FBXL13: variants seen among roughly 807,000 people sequenced by gnomAD.
FBXL13 encodes the protein F-box and leucine-rich repeat protein 13.
A neutral mutation model predicts 83.6 loss-of-function variants in FBXL13; 67 were observed. That is an observed-to-expected ratio of 0.80 (90% CI 0.66 to 0.98). The LOEUF is 0.98. Ranked by LOEUF, FBXL13 falls within the 50% of genes least tolerant of loss-of-function variation. The probability of loss-of-function intolerance (pLI) is 0.00; values close to 1 mark genes in which losing one functional copy is unlikely to be tolerated. For missense variants in FBXL13, 822 were observed against 866.5 expected (o/e 0.95, Z 0.64); for synonymous variants, 272 against 299.5 (o/e 0.91, Z 0.95).
chr7:102,849,703 T>G (rs992582388), intron 17 of FBXL13, among the ~76,000 whole-genome samples: 1 of 152,216 alleles, frequency 6.6e-6, no homozygotes, highest in Non-Finnish European at 1.5e-5. Context: ...CGGCTTTGTC[T>G]GTTCCCTTTT....
At chr7:102,911,768 A>C (rs995453300) in intron 11 of FBXL13, among the ~76,000 whole-genome samples, 15 of 152,252 alleles carry the variant, frequency 9.9e-5, no homozygotes, top group African/African-American at 3.1e-4. Context: ...AAGCTGGTCT[A>C]AAATTCAGTC....
chr7:102,943,414 G>C (rs1821850557), intron 8 of FBXL13, among the ~76,000 whole-genome samples: 1 of 150,772 alleles, frequency 6.6e-6, no homozygotes, highest in Admixed American at 6.6e-5. Flanking sequence ...AACTAATCAA[G>C]GGAAAAGCTT....
intron 9 of FBXL13, among the ~76,000 whole-genome samples, chr7:102,928,981 C>G (rs1818638440): frequency 6.6e-6 from 1 of 152,096 alleles, no homozygotes; most frequent in Non-Finnish European, 1.5e-5. Flanking sequence ...TACTTTTGAA[C>G]ATAAAGGAAC....
chr7:103,038,787 G>A (rs558784719), intron 2 of FBXL13, among the ~76,000 whole-genome samples: 3 of 152,282 alleles, frequency 2.0e-5, no homozygotes, highest in Admixed American at 2.0e-4. Flanking sequence ...CAACAAAAAT[G>A]ACATCCACAC....
At chr7:102,910,031 C>A (rs529829899) in intron 11 of FBXL13, among the ~76,000 whole-genome samples, 1 of 152,172 alleles carries the variant, frequency 6.6e-6, no homozygotes, top group African/African-American at 2.4e-5. Context: ...CGCACTGTAG[C>A]CCTCAGTGGT....
intron 6 of FBXL13, among the ~76,000 whole-genome samples, chr7:102,990,129 C>T (rs955992): frequency 0.17 from 25,446 of 152,022 alleles, 2,795 homozygotes; most frequent in East Asian, 0.59. Flanking sequence ...AAAGCAATGC[C>T]GACACCAGAG....
intron 8 of FBXL13, chr7:102,934,305 T>C: frequency 6.2e-7 from 1 of 1,614,074 alleles, no homozygotes; most frequent in Non-Finnish European, 8.5e-7. Flanking sequence ...TTAAACAAAC[T>C]CACCACCCTC....
chr7:103,027,475 T>A lies in FBXL13; in HGVS notation c.301A>T (p.Lys101Ter), dbSNP rs539052380. Reference sequence around the variant, plus strand: ...AGCTCATCTTCTTTCTTTTTACTCTTATGTCTTGCTGTATTCCGCCATTTT... The same window carrying A: ...AGCTCATCTTCTTTCTTTTTACTCTAATGTCTTGCTGTATTCCGCCATTTT... The change falls in exon 5 of 20, where the codon AAG becomes TAG. Residue 101 changes from lysine to a stop codon, truncating the protein, a stop_gained. Transcript: ENST00000313221. LOFTEE classifies it high-confidence loss of function. 1.3e-5 allele frequency: 21 copies of A among 1,612,728 alleles called. No individual in the cohort carries two copies. In the East Asian group the frequency reaches 4.5e-4, roughly 34 times the overall value.
intron 9 of FBXL13, among the ~76,000 whole-genome samples, chr7:102,927,502 A>G (rs2129472253): frequency 6.6e-6 from 1 of 152,356 alleles, no homozygotes; most frequent in East Asian, 1.9e-4. Flanking sequence ...TATTTCCAGT[A>G]GTCATGGATT....
chr7:103,052,387 C>A (rs1477488409), intron 2 of FBXL13, among the ~76,000 whole-genome samples: 1 of 151,936 alleles, frequency 6.6e-6, no homozygotes, highest in Non-Finnish European at 1.5e-5. Context: ...CTGTGCCTGG[C>A]TTTAGTGTAT....
intron 11 of FBXL13, among the ~76,000 whole-genome samples, chr7:102,906,973 T>TG (rs1349188570): frequency 3.9e-5 from 6 of 152,220 alleles, no homozygotes; most frequent in Admixed American, 2.6e-4. Context: ...TGTTTGTTTT[T>TG]GTTTTTTTTG....
chr7:102,991,241 G>A (rs1267829548), intron 6 of FBXL13, among the ~76,000 whole-genome samples: 1 of 152,210 alleles, frequency 6.6e-6, no homozygotes, highest in Non-Finnish European at 1.5e-5. Context: ...AGTCAGCTGA[G>A]TAGATGATAG....
At chr7:102,871,503 A>G (rs1190494163) in intron 16 of FBXL13, among the ~76,000 whole-genome samples, 1 of 151,736 alleles carries the variant, frequency 6.6e-6, no homozygotes, top group Non-Finnish European at 1.5e-5. Flanking sequence ...CTCCCACCTC[A>G]GCCCCCCAGG....
intron 2 of FBXL13, chr7:103,031,193 C>T (rs1442042316): frequency 6.6e-6 from 1 of 152,300 alleles, no homozygotes; most frequent in Non-Finnish European, 1.5e-5. Context: ...CTGGCCAATC[C>T]AATCACTGGG....
intron 8 of FBXL13, among the ~76,000 whole-genome samples, chr7:102,954,158 G>A (rs1740388429): frequency 6.6e-6 from 1 of 152,148 alleles, no homozygotes; most frequent in South Asian, 2.1e-4. Flanking sequence ...AAGGGGTCGG[G>A]GGATTTCCCT....
At chr7:103,050,631 A>C (rs2129494949) in intron 2 of FBXL13, among the ~76,000 whole-genome samples, 1 of 152,342 alleles carries the variant, frequency 6.6e-6, no homozygotes, top group Middle Eastern at 3.4e-3. Flanking sequence ...GAGAAAGAAA[A>C]GTATTGCCTG....
intron 6 of FBXL13, among the ~76,000 whole-genome samples, chr7:103,022,337 G>T (rs1258410681): frequency 6.7e-6 from 1 of 149,876 alleles, no homozygotes; most frequent in Non-Finnish European, 1.5e-5. Flanking sequence ...TAGTGGGGTG[G>T]GGGGAGGGGT....
intron 17 of FBXL13, among the ~76,000 whole-genome samples, chr7:102,840,850 C>G (rs1378027069): frequency 6.6e-6 from 1 of 151,984 alleles, no homozygotes; most frequent in African/African-American, 2.4e-5. Flanking sequence ...TCTCATAGGC[C>G]TATTAGAAGA....
chr7:102,974,785 C>G (rs898614813), intron 6 of FBXL13, among the ~76,000 whole-genome samples: 4 of 152,074 alleles, frequency 2.6e-5, no homozygotes, highest in Non-Finnish European at 5.9e-5. Flanking sequence ...TCTTCTTTAA[C>G]CCCCTAAGCC....
Sources: gnomAD v4.1 joint callset for allele counts (sites outside exome capture counted in the v4.1 genomes callset) on GRCh38, gnomAD v4.1.1 for gene constraint, MANE v1.5 for transcripts, NCBI Gene and HGNC (gene_info 2026-07-23, HGNC 2026-07-21) for gene names.